TMEFF2: variants seen among roughly 807,000 people sequenced by gnomAD.
TMEFF2 encodes tomoregulin-2.
A neutral mutation model predicts 53.8 loss-of-function variants in TMEFF2; 28 were observed. The observed-to-expected ratio is 0.52, with a 90% CI of 0.39 to 0.71. The LOEUF (loss-of-function observed/expected upper bound fraction) is 0.71, where lower values mean the gene tolerates loss of function less well. Among genes scored for constraint, TMEFF2 ranks in the 30% least tolerant of loss-of-function variants. TMEFF2 has a pLI of 0.00. For missense variants in TMEFF2, 353 were observed against 455.2 expected, an observed-to-expected ratio of 0.78 and a Z score of 2.04; for synonymous variants, 162 against 166.3, an observed-to-expected ratio of 0.97 and a Z score of 0.20.
chr2:192,167,117 G>A (rs766494832), intron 4 of TMEFF2, among the ~76,000 whole-genome samples: 43 of 152,052 alleles, frequency 2.8e-4, no homozygotes, highest in Non-Finnish European at 4.6e-4. Context: ...TAAAAGTACC[G>A]GAGTAGAAGA....
At chr2:192,003,263 A>C (rs1686411869) in intron 5 of TMEFF2, among the ~76,000 whole-genome samples, 1 of 152,184 alleles carries the variant, frequency 6.6e-6, no homozygotes, top group South Asian at 2.1e-4. Context: ...GACTTGGAGA[A>C]GTCTCACAGC....
chr2:191,997,845 T>C (rs1025264144), intron 7 of TMEFF2, among the ~76,000 whole-genome samples: 1 of 151,918 alleles, frequency 6.6e-6, no homozygotes, highest in African/African-American at 2.4e-5. Context: ...TTATTATTTG[T>C]AGCTGTCCTT....
intron 4 of TMEFF2, among the ~76,000 whole-genome samples, chr2:192,136,828 T>C (rs1157102929): frequency 6.6e-6 from 1 of 152,202 alleles, no homozygotes; most frequent in Non-Finnish European, 1.5e-5. Context: ...CAACTAACTT[T>C]AGATTTATCA....
chr2:192,024,285 TA>T lies in TMEFF2; in HGVS notation c.537-25078del, dbSNP rs968241893. ...ACATTATTTCAATTTATATATAGCA[TA>T]AAATTGTATATTGTAAAAAATTCAG... On this transcript the variant is annotated intron_variant, in intron 5 of 9. Coordinates refer to ENST00000272771, the MANE Select transcript of TMEFF2 (RefSeq NM_016192.4). Among the ~76,000 whole-genome samples, 62 of 152,342 alleles carry T rather than the reference TA, an allele frequency of 4.1e-4. 2 individuals carry two copies. Among genetic ancestry groups the T allele is most frequent in the Admixed American group, 3.4e-3 (52 of 15,302 alleles).
chr2:191,950,426 T>G lies in TMEFF2; in HGVS notation c.1029-19A>C. The G allele has an allele frequency of 6.2e-7, 1 of 1,614,028 alleles. No homozygotes were observed. The highest frequency in any genetic ancestry group is 8.5e-7 in the Non-Finnish European group (1 of 1,179,938). The stretch of plus-strand genomic sequence containing the variant: ...GCATTTCCTGGAAGGTTGGAAAGTT[T>G]ACAAATCTCAGTCCAATGCTATTAC... On this transcript the variant is annotated intron_variant, in intron 9 of 9. Transcript: ENST00000272771.
At chr2:192,180,270 G>A (rs962687101) in intron 3 of TMEFF2, among the ~76,000 whole-genome samples, 11 of 151,512 alleles carry the variant, frequency 7.3e-5, no homozygotes, top group African/African-American at 2.7e-4. Context: ...TTGCCTTTGT[G>A]CTTAAAGTCA....
intron 7 of TMEFF2, among the ~76,000 whole-genome samples, chr2:191,972,921 C>T (rs181938805): frequency 3.5e-4 from 53 of 152,080 alleles, no homozygotes; most frequent in South Asian, 1.2e-3. Flanking sequence ...GGAAAGAATC[C>T]GTAGTTCAGT....
intron 5 of TMEFF2, among the ~76,000 whole-genome samples, chr2:192,051,539 T>C (rs766418034): frequency 1.3e-5 from 2 of 152,244 alleles, no homozygotes; most frequent in Non-Finnish European, 2.9e-5. Flanking sequence ...AACCACTTTC[T>C]GTATTTTCCT....
rs1448816825 is a variant in TMEFF2, at chr2:192,056,397, GGAA to G, written c.536+1279_536+1281del. On this transcript the variant is annotated intron_variant, in intron 5 of 9. Transcript: ENST00000272771. ...GAGGAGAAGAAGAGGAAGTGGAAGAGGAAGAAGAGGAAGAGGAGGAGGGGAGGA... is the reference window on the plus strand; with the variant it reads ...GAGGAGAAGAAGAGGAAGTGGAAGAGGAAGAGGAAGAGGAGGAGGGGAGGA... Among the ~76,000 whole-genome samples, 13 of 151,938 alleles carry G rather than the reference GGAA, an allele frequency of 8.6e-5. No homozygotes were observed. In the South Asian group the frequency reaches 1.7e-3, roughly 19 times the overall value.
intron 4 of TMEFF2, among the ~76,000 whole-genome samples, chr2:192,075,304 T>TATATATATATATATATATATAAATATAA (rs1688392624): frequency 1.2e-4 from 2 of 17,276 alleles, no homozygotes; most frequent in Non-Finnish European, 4.6e-4. Context: ...TATATATATA[T>TATATATATATATATATATATAAATATAA]ATATATATAT....
intron 5 of TMEFF2, among the ~76,000 whole-genome samples, chr2:192,039,460 C>T (rs1190501104): frequency 1.3e-5 from 2 of 152,100 alleles, no homozygotes; most frequent in Non-Finnish European, 2.9e-5. Flanking sequence ...ACAATTAAAG[C>T]AAGGATATTT....
At chr2:192,054,529 C>G (rs148934446) in intron 5 of TMEFF2, among the ~76,000 whole-genome samples, 1 of 152,240 alleles carries the variant, frequency 6.6e-6, no homozygotes. Context: ...TCTTTTCATA[C>G]TGCCTTCATA....
At chr2:191,972,631 T>A (rs1431228153) in intron 7 of TMEFF2, among the ~76,000 whole-genome samples, 2 of 151,984 alleles carry the variant, frequency 1.3e-5, no homozygotes, top group Admixed American at 6.6e-5. Context: ...GTAGTAGCAA[T>A]GGAAGAAGGG....
intron 4 of TMEFF2, among the ~76,000 whole-genome samples, chr2:192,085,950 ATGC>A (rs1207627405): frequency 1.3e-5 from 2 of 152,174 alleles, no homozygotes; most frequent in African/African-American, 2.4e-5. Flanking sequence ...CAACTTCGAA[ATGC>A]TGCTATGATC....
chr2:192,109,391 A>G (rs1689224566), intron 4 of TMEFF2, among the ~76,000 whole-genome samples: 1 of 152,036 alleles, frequency 6.6e-6, no homozygotes, highest in African/African-American at 2.4e-5. Context: ...GCTACCTCTT[A>G]TCAATTTCCC....
intron 7 of TMEFF2, among the ~76,000 whole-genome samples, chr2:191,984,451 T>C (rs963673328): frequency 6.6e-6 from 1 of 152,132 alleles, no homozygotes; most frequent in Non-Finnish European, 1.5e-5. Flanking sequence ...TTGATGATAC[T>C]AGAAAAGTTT....
chr2:192,130,910 C>T (rs536269323), intron 4 of TMEFF2, among the ~76,000 whole-genome samples: 22 of 150,964 alleles, frequency 1.5e-4, no homozygotes, highest in Non-Finnish European at 2.4e-4. Flanking sequence ...GCGCTGGTCA[C>T]GGACTGGGAA....
intron 7 of TMEFF2, among the ~76,000 whole-genome samples, chr2:191,984,366 G>GTA (rs1203256140): frequency 6.6e-6 from 1 of 152,070 alleles, no homozygotes; most frequent in East Asian, 1.9e-4. Flanking sequence ...CTGAACCCCA[G>GTA]TAACTACATT....
At chr2:191,979,832 C>CTA (rs1685812757) in intron 7 of TMEFF2, among the ~76,000 whole-genome samples, 1 of 151,200 alleles carries the variant, frequency 6.6e-6, no homozygotes, top group Non-Finnish European at 1.5e-5. Flanking sequence ...TAATATATAT[C>CTA]TATATATATC....
Sources: allele counts gnomAD v4.1 joint callset (sites outside exome capture counted in the v4.1 genomes callset), GRCh38; gene constraint gnomAD v4.1.1; transcripts MANE v1.5; gene names NCBI Gene and HGNC (gene_info 2026-07-23, HGNC 2026-07-21).